Variants in TMTC2 observed in about 807,000 individuals in gnomAD.
TMTC2 encodes protein O-mannosyl-transferase TMTC2.
A neutral mutation model predicts 82.4 loss-of-function variants in TMTC2; 43 were observed. The ratio of observed to expected loss-of-function variants is 0.52; its 90% confidence interval spans 0.41 to 0.67. The LOEUF is 0.67. Ranked by LOEUF, TMTC2 falls within the 30% of genes least tolerant of loss-of-function variation. The pLI is 0.00. For missense variants in TMTC2, 919 were observed against 1,012.4 expected, an observed-to-expected ratio of 0.91 and a Z score of 1.25; for synonymous variants, 408 against 381.9, an observed-to-expected ratio of 1.07 and a Z score of -0.80.
At chr12:82,726,958 G>A (rs1474821039) in intron 1 of TMTC2, among the ~76,000 whole-genome samples, 3 of 148,454 alleles carry the variant, frequency 2.0e-5, no homozygotes, top group Non-Finnish European at 4.5e-5. Flanking sequence ...CAATTCTACT[G>A]TACTGCCTTT....
intron 11 of TMTC2, among the ~76,000 whole-genome samples, chr12:83,077,155 T>C (rs1883307333): frequency 6.6e-6 from 1 of 152,144 alleles, no homozygotes; most frequent in Admixed American, 6.6e-5. Flanking sequence ...CCAAATATGG[T>C]ATCTTGGCAT....
intron 10 of TMTC2, among the ~76,000 whole-genome samples, chr12:83,058,774 C>T (rs1882636565): frequency 6.6e-6 from 1 of 151,796 alleles, no homozygotes; most frequent in Non-Finnish European, 1.5e-5. Flanking sequence ...AGCAAGATTT[C>T]TTGCAGAGCC....
At chr12:82,923,403 G>A (rs1319101631) in intron 3 of TMTC2, among the ~76,000 whole-genome samples, 1 of 151,818 alleles carries the variant, frequency 6.6e-6, no homozygotes, top group Non-Finnish European at 1.5e-5. Context: ...ACACTTCTTT[G>A]TTTAGATGTT....
intron 1 of TMTC2, among the ~76,000 whole-genome samples, chr12:82,809,426 A>G (rs573418698): frequency 6.6e-6 from 1 of 152,086 alleles, no homozygotes; most frequent in East Asian, 1.9e-4. Context: ...TCCTCTGGGT[A>G]CAGTTTTGTA....
chr12:82,831,088 G>A (rs1565769869), intron 1 of TMTC2, among the ~76,000 whole-genome samples: 1 of 152,234 alleles, frequency 6.6e-6, no homozygotes, highest in East Asian at 1.9e-4. Flanking sequence ...TGTTCTGGGT[G>A]ATAGGAGGTG....
intron 3 of TMTC2, among the ~76,000 whole-genome samples, chr12:82,928,808 TTA>T (rs1396600994): frequency 2.0e-5 from 3 of 152,226 alleles, no homozygotes; most frequent in Admixed American, 6.5e-5. Context: ...CATGGCACTA[TTA>T]GCTGTTGCAT....
At chr12:83,033,201 C>T (rs540537889) in intron 9 of TMTC2, among the ~76,000 whole-genome samples, 7 of 152,016 alleles carry the variant, frequency 4.6e-5, no homozygotes, top group African/African-American at 9.7e-5. Context: ...TAATTGAGTG[C>T]GTGAGATTCT....
intron 1 of TMTC2, among the ~76,000 whole-genome samples, chr12:82,856,598 C>A (rs1871269089): frequency 6.6e-6 from 1 of 152,122 alleles, no homozygotes; most frequent in Non-Finnish European, 1.5e-5. Flanking sequence ...TAATTTATTT[C>A]TAGTAGGAGG....
chr12:82,922,726 G>A (rs972676635), intron 3 of TMTC2, among the ~76,000 whole-genome samples: 1 of 152,090 alleles, frequency 6.6e-6, no homozygotes, highest in Non-Finnish European at 1.5e-5. Flanking sequence ...TAAATACACA[G>A]TGATATTTTG....
intron 1 of TMTC2, among the ~76,000 whole-genome samples, chr12:82,720,950 G>A (rs1874180177): frequency 6.6e-6 from 1 of 152,234 alleles, no homozygotes; most frequent in Non-Finnish European, 1.5e-5. Context: ...AGCAAAGAAT[G>A]ATGTCACAGA....
chr12:82,997,426 A>C (rs1307251767), intron 8 of TMTC2, among the ~76,000 whole-genome samples: 1 of 42,726 alleles, frequency 2.3e-5, no homozygotes, highest in Non-Finnish European at 5.1e-5. Context: ...ATATATATAT[A>C]TACACACAGA....
At chr12:82,724,380 T>C (rs1009219728) in intron 1 of TMTC2, among the ~76,000 whole-genome samples, 1 of 152,126 alleles carries the variant, frequency 6.6e-6, no homozygotes, top group African/African-American at 2.4e-5. Context: ...TAACCCCCCG[T>C]GTTGAGGGAG....
chr12:82,775,407 A>G (rs1206171576), intron 1 of TMTC2, among the ~76,000 whole-genome samples: 1 of 151,458 alleles, frequency 6.6e-6, no homozygotes, highest in Non-Finnish European at 1.5e-5. Flanking sequence ...CTATGATTGC[A>G]CCACTGTACA....
At chr12:82,735,527 A>G (rs1398954442) in intron 1 of TMTC2, among the ~76,000 whole-genome samples, 1 of 151,748 alleles carries the variant, frequency 6.6e-6, no homozygotes, top group Non-Finnish European at 1.5e-5. Context: ...TTGTATTTTT[A>G]GTAGAGACGA....
At chr12:82,903,540 T>C (rs1874136357) in intron 3 of TMTC2, among the ~76,000 whole-genome samples, 1 of 152,078 alleles carries the variant, frequency 6.6e-6, no homozygotes, top group Admixed American at 6.6e-5. Flanking sequence ...GCCTCCCGAG[T>C]AGCTGGGACT....
Position 82,753,479 on chromosome 12 carries a change from T to G in TMTC2, c.83+65810T>G, listed in dbSNP as rs191311615. On this transcript the variant is annotated intron_variant, in intron 1 of 11. Coordinates refer to ENST00000321196, the MANE Select transcript of TMTC2 (RefSeq NM_152588.3). ...ATATAATGTTATAACAATTTGCTTA[T>G]TACCAGCAAGTTTTTAATATTGACC... 2.6e-5 allele frequency among the ~76,000 whole-genome samples: 4 copies of G among 152,312 alleles called. No homozygotes were observed. In the East Asian group the frequency reaches 7.7e-4, roughly 29 times the overall value.
At chr12:82,772,088 A>G (rs1197767794) in intron 1 of TMTC2, among the ~76,000 whole-genome samples, 3 of 152,098 alleles carry the variant, frequency 2.0e-5, no homozygotes, top group Non-Finnish European at 4.4e-5. Flanking sequence ...TTAACTGTAA[A>G]TTTCCTGCTG....
intron 1 of TMTC2, among the ~76,000 whole-genome samples, chr12:82,790,193 A>T (rs1214885771): frequency 6.8e-6 from 1 of 147,372 alleles, no homozygotes; most frequent in Non-Finnish European, 1.5e-5. Flanking sequence ...AAAAAAAAAA[A>T]GATGGGTAAA....
chr12:82,706,098 C>T (rs756022054), intron 1 of TMTC2, among the ~76,000 whole-genome samples: 10 of 152,022 alleles, frequency 6.6e-5, no homozygotes, highest in Non-Finnish European at 1.5e-4. Context: ...CACCTGAGGT[C>T]AGCAGCTCAA....
Sources: gnomAD v4.1 joint callset for allele counts (sites outside exome capture counted in the v4.1 genomes callset) on GRCh38, gnomAD v4.1.1 for gene constraint, MANE v1.5 for transcripts, NCBI Gene and HGNC (gene_info 2026-07-23, HGNC 2026-07-21) for gene names.